Variants in EPN2 observed in about 807,000 individuals in gnomAD.
EPN2 encodes epsin-2.
EPN2 carries 34 observed loss-of-function variants against 61.7 expected under a neutral mutation model. That is an observed-to-expected ratio of 0.55 (90% CI 0.42 to 0.73). EPN2 has a LOEUF of 0.73. Ranked by LOEUF, EPN2 falls within the 30% of genes least tolerant of loss-of-function variation. EPN2 has a pLI of 0.00. For missense variants in EPN2, 714 were observed against 839.2 expected, an observed-to-expected ratio of 0.85 and a Z score of 1.84; for synonymous variants, 349 against 353.6, an observed-to-expected ratio of 0.99 and a Z score of 0.15.
At chr17:19,261,533 G>A (rs1321832264) in intron 1 of EPN2, among the ~76,000 whole-genome samples, 14 of 152,170 alleles carry the variant, frequency 9.2e-5, no homozygotes, top group Admixed American at 7.9e-4. Flanking sequence ...TCTAGGCAGA[G>A]TCTTTAAATA....
intron 1 of EPN2, among the ~76,000 whole-genome samples, chr17:19,270,458 G>T (rs937524084): frequency 6.6e-6 from 1 of 152,154 alleles, no homozygotes; most frequent in Admixed American, 6.5e-5. Flanking sequence ...TGTTCTCATA[G>T]GGATGCCTCT....
At chr17:19,264,076 G>A (rs972153111) in intron 1 of EPN2, among the ~76,000 whole-genome samples, 1 of 152,150 alleles carries the variant, frequency 6.6e-6, no homozygotes, top group Non-Finnish European at 1.5e-5. Flanking sequence ...CTGGAAACGC[G>A]CCCCTTTATT....
At chr17:19,241,293 T>A (rs183575204) in intron 1 of EPN2, among the ~76,000 whole-genome samples, 8 of 152,022 alleles carry the variant, frequency 5.3e-5, no homozygotes, top group African/African-American at 1.9e-4. Flanking sequence ...TTTTTGAAAA[T>A]TGACAAACTT....
intron 1 of EPN2, among the ~76,000 whole-genome samples, chr17:19,266,488 C>T (rs4924964): frequency 0.033 from 4,960 of 151,924 alleles, 348 homozygotes; most frequent in South Asian, 0.2. Context: ...CTGCAAGCTC[C>T]GCCTCCCGGG....
intron 1 of EPN2, chr17:19,273,298 G>T (rs1302472913): frequency 6.6e-6 from 1 of 152,088 alleles, no homozygotes; most frequent in Non-Finnish European, 1.5e-5. Context: ...TATGCAGTCA[G>T]CCCTTCCTGG....
At chr17:19,242,115 G>A (rs561180429) in intron 1 of EPN2, among the ~76,000 whole-genome samples, 11 of 139,406 alleles carry the variant, frequency 7.9e-5, no homozygotes, top group Non-Finnish European at 1.3e-4. Flanking sequence ...AGAGACACTA[G>A]ATTTGGTGTT....
intron 1 of EPN2, among the ~76,000 whole-genome samples, chr17:19,265,640 C>T (rs992098914): frequency 6.6e-6 from 1 of 152,088 alleles, no homozygotes; most frequent in African/African-American, 2.4e-5. Flanking sequence ...TCCCCATCTT[C>T]CTCTGCTCTC....
intron 4 of EPN2, among the ~76,000 whole-genome samples, chr17:19,288,143 C>G (rs554815870): frequency 6.6e-6 from 1 of 152,328 alleles, no homozygotes; most frequent in South Asian, 2.1e-4. Context: ...CAGCTGTGTC[C>G]CCTGCCCTCA....
chr17:19,245,697 T>C (rs2044939793), intron 1 of EPN2, among the ~76,000 whole-genome samples: 1 of 151,310 alleles, frequency 6.6e-6, no homozygotes, highest in Non-Finnish European at 1.5e-5. Context: ...AGTTTTGCTC[T>C]TGTCGCCTAA....
chr17:19,318,218 T>G (rs1043219444), intron 7 of EPN2, among the ~76,000 whole-genome samples: 1 of 152,192 alleles, frequency 6.6e-6, no homozygotes, highest in Admixed American at 6.5e-5. Context: ...CAAAGCTGTC[T>G]GGGCTGTGAC....
intron 1 of EPN2, among the ~76,000 whole-genome samples, chr17:19,278,063 CTA>C (rs990275189): frequency 1.1e-4 from 11 of 100,652 alleles, no homozygotes; most frequent in Non-Finnish European, 1.7e-4. Context: ...CAGAGCGAGA[CTA>C]TGTCTCAAAA....
At chr17:19,254,986 C>T (rs1310197508) in intron 1 of EPN2, among the ~76,000 whole-genome samples, 3 of 152,096 alleles carry the variant, frequency 2.0e-5, no homozygotes, top group African/African-American at 7.2e-5. Flanking sequence ...ATGTGCAGGG[C>T]ATTGGTTTCA....
intron 1 of EPN2, among the ~76,000 whole-genome samples, chr17:19,265,305 G>A (rs1364785495): frequency 6.6e-6 from 1 of 151,834 alleles, no homozygotes; most frequent in African/African-American, 2.4e-5. Context: ...TTGTGCCTGG[G>A]AGGTCCAGGC....
intron 4 of EPN2, among the ~76,000 whole-genome samples, chr17:19,294,406 C>T (rs559413514): frequency 4.6e-5 from 7 of 152,192 alleles, no homozygotes; most frequent in Middle Eastern, 3.4e-3. Context: ...GGTGACAAAG[C>T]GAGACCCTTT....
chr17:19,299,092 C>A (rs1018751441), intron 4 of EPN2, among the ~76,000 whole-genome samples: 3 of 152,170 alleles, frequency 2.0e-5, no homozygotes, highest in Non-Finnish European at 2.9e-5. Context: ...GCTTTCCCCC[C>A]AGCAGTGAAG....
At chr17:19,238,936 C>T (rs552188512) in intron 1 of EPN2, among the ~76,000 whole-genome samples, 21 of 152,270 alleles carry the variant, frequency 1.4e-4, no homozygotes, top group Non-Finnish European at 2.6e-4. Flanking sequence ...GAAAACGTGC[C>T]TCTTGTAGCT....
chr17:19,328,460 G>T (rs1907000579), intron 7 of EPN2, among the ~76,000 whole-genome samples: 1 of 152,096 alleles, frequency 6.6e-6, no homozygotes, highest in African/African-American at 2.4e-5. Flanking sequence ...TGCTTCCTCT[G>T]GTCATTACTA....
At chr17:19,319,074 T>C (rs1390921701) in intron 7 of EPN2, among the ~76,000 whole-genome samples, 1 of 151,644 alleles carries the variant, frequency 6.6e-6, no homozygotes, top group Non-Finnish European at 1.5e-5. Flanking sequence ...GGTGTGTGCC[T>C]GTAATCCCAG....
chr17:19,300,266 C>T (rs1025988383), intron 4 of EPN2, among the ~76,000 whole-genome samples: 1 of 152,102 alleles, frequency 6.6e-6, no homozygotes, highest in African/African-American at 2.4e-5. Flanking sequence ...TCAGATCCCA[C>T]GCCATTAGCC....
Sources: allele counts gnomAD v4.1 joint callset (sites outside exome capture counted in the v4.1 genomes callset), GRCh38; gene constraint gnomAD v4.1.1; transcripts MANE v1.5; gene names NCBI Gene and HGNC (gene_info 2026-07-23, HGNC 2026-07-21).